The following GREM2 variants were observed in gnomAD, a reference collection of about 807,000 sequenced individuals.
GREM2 encodes gremlin 2, DAN family BMP antagonist, also known as gremlin-2.
Under a neutral mutation model 14.2 loss-of-function variants are expected in GREM2, and 11 were observed. That is an observed-to-expected ratio of 0.78 (90% CI 0.49 to 1.28). The LOEUF (loss-of-function observed/expected upper bound fraction) is 1.28. Among genes scored for constraint, GREM2 ranks in the 50% most tolerant of loss-of-function variants. GREM2 has a pLI of 0.00. For missense variants in GREM2, 210 were observed against 218.5 expected, an observed-to-expected ratio of 0.96 and a Z score of 0.24; for synonymous variants, 98 against 97.6, an observed-to-expected ratio of 1.00 and a Z score of -0.02.
At chr1:240,604,076 A>G (rs1300646114) in intron 1 of GREM2, among the ~76,000 whole-genome samples, 4 of 151,752 alleles carry the variant, frequency 2.6e-5, no homozygotes, top group African/African-American at 9.7e-5. Flanking sequence ...GCAGGAGAGA[A>G]GGAAGGGAGG....
chr1:240,608,899 T>C (rs1680081142), intron 1 of GREM2, among the ~76,000 whole-genome samples: 1 of 152,158 alleles, frequency 6.6e-6, no homozygotes, highest in Non-Finnish European at 1.5e-5. Context: ...AGGTATCAAA[T>C]CACTTTTTCA....
chr1:240,498,931 G>T (rs1677498710), intron 1 of GREM2, among the ~76,000 whole-genome samples: 1 of 152,214 alleles, frequency 6.6e-6, no homozygotes, highest in African/African-American at 2.4e-5. Context: ...TAAGCAGACT[G>T]GGTTGGCCAA....
chr1:240,510,744 A>T (rs1558142996), intron 1 of GREM2, among the ~76,000 whole-genome samples: 1 of 152,248 alleles, frequency 6.6e-6, no homozygotes. Flanking sequence ...ATTAATAAAA[A>T]ATCAAATATT....
intron 1 of GREM2, 33 bp from the exon 2 acceptor site, chr1:240,493,509 A>G: frequency 6.4e-7 from 1 of 1,566,996 alleles, no homozygotes; most frequent in African/African-American, 1.4e-5. Context: ...GCTGGCTGTG[A>G]AGGGCCGTAG....
intron 1 of GREM2, among the ~76,000 whole-genome samples, chr1:240,580,127 A>T (rs1259248725): frequency 6.6e-6 from 1 of 152,172 alleles, no homozygotes; most frequent in Admixed American, 6.5e-5. Flanking sequence ...GTGGTGGCTC[A>T]TGTCTGTAAT....
intron 1 of GREM2, among the ~76,000 whole-genome samples, chr1:240,580,171 G>A (rs1490910169): frequency 6.6e-6 from 1 of 152,054 alleles, no homozygotes; most frequent in African/African-American, 2.4e-5. Flanking sequence ...CAGGCAGATT[G>A]CTTGAGCCCA....
At chr1:240,538,621 G>C (rs985867332) in intron 1 of GREM2, among the ~76,000 whole-genome samples, 2 of 152,086 alleles carry the variant, frequency 1.3e-5, no homozygotes, top group Admixed American at 6.5e-5. Flanking sequence ...GGGAGACTGA[G>C]GTGGGAGGAT....
chr1:240,533,262 G>T (rs977991213), intron 1 of GREM2, among the ~76,000 whole-genome samples: 35 of 152,280 alleles, frequency 2.3e-4, no homozygotes, highest in African/African-American at 8.2e-4. Flanking sequence ...TAATAGAAAT[G>T]AGCTAGCTGT....
chr1:240,610,987 G>A (rs1412239023), intron 1 of GREM2, among the ~76,000 whole-genome samples: 2 of 151,658 alleles, frequency 1.3e-5, no homozygotes, highest in Admixed American at 6.6e-5. Flanking sequence ...AAGGGGTGGG[G>A]AGTTATATAA....
chr1:240,524,070 G>A (rs1678167653), intron 1 of GREM2, among the ~76,000 whole-genome samples: 1 of 152,140 alleles, frequency 6.6e-6, no homozygotes, highest in Non-Finnish European at 1.5e-5. Context: ...TTGGAGTGCA[G>A]TGATGTAATA....
At chr1:240,511,434 A>G (rs1305357605) in intron 1 of GREM2, among the ~76,000 whole-genome samples, 1 of 152,198 alleles carries the variant, frequency 6.6e-6, no homozygotes, top group Non-Finnish European at 1.5e-5. Flanking sequence ...TTACCATGGG[A>G]GAATATCCAT....
chr1:240,497,968 A>C (rs981604471), intron 1 of GREM2, among the ~76,000 whole-genome samples: 7 of 152,322 alleles, frequency 4.6e-5, no homozygotes, highest in African/African-American at 1.7e-4. Flanking sequence ...CAGCCAGGAA[A>C]GATTGACAGA....
At chr1:240,507,802 G>A (rs1677715596) in intron 1 of GREM2, among the ~76,000 whole-genome samples, 1 of 151,546 alleles carries the variant, frequency 6.6e-6, no homozygotes, top group Non-Finnish European at 1.5e-5. Context: ...GGGGGTGGGA[G>A]GGAAACAAGA....
At chr1:240,611,753 C>G (rs1274351679) in intron 1 of GREM2, 131 bp downstream of exon 1, 1 of 152,576 alleles carries the variant, frequency 6.6e-6, no homozygotes, top group Non-Finnish European at 1.5e-5. Flanking sequence ...GTGAAACCGG[C>G]GAGACGTCCA....
At chr1:240,513,931 A>G (rs1044006575) in intron 1 of GREM2, among the ~76,000 whole-genome samples, 54 of 149,664 alleles carry the variant, frequency 3.6e-4, no homozygotes, top group African/African-American at 1.3e-3. Flanking sequence ...GGAGAAAAAG[A>G]GACAGAAATG....
intron 1 of GREM2, among the ~76,000 whole-genome samples, chr1:240,554,942 G>A (rs1353183848): frequency 2.6e-5 from 4 of 152,048 alleles, no homozygotes; most frequent in Non-Finnish European, 5.9e-5. Flanking sequence ...TTAGGAGTTC[G>A]AGACCAGCCT....
intron 1 of GREM2, among the ~76,000 whole-genome samples, chr1:240,590,942 C>T (rs916566833): frequency 3.3e-5 from 5 of 151,816 alleles, no homozygotes; most frequent in South Asian, 2.1e-4. Flanking sequence ...CCTCCATGCC[C>T]GGCTAATTTT....
chr1:240,587,094 T>C (rs1679614048), intron 1 of GREM2, among the ~76,000 whole-genome samples: 1 of 152,168 alleles, frequency 6.6e-6, no homozygotes, highest in East Asian at 1.9e-4. Context: ...ATTCTGAAGT[T>C]AAGTCTTTGT....
chr1:240,587,607 C>G (rs1346254009), intron 1 of GREM2, among the ~76,000 whole-genome samples: 1 of 152,134 alleles, frequency 6.6e-6, no homozygotes, highest in East Asian at 1.9e-4. Flanking sequence ...TAGGTGTGAG[C>G]TACCATACCA....
Sources: gnomAD v4.1 joint callset for allele counts (sites outside exome capture counted in the v4.1 genomes callset) on GRCh38, gnomAD v4.1.1 for gene constraint, MANE v1.5 for transcripts, NCBI Gene and HGNC (gene_info 2026-07-23, HGNC 2026-07-21) for gene names.